The following FAM178B variants were observed in gnomAD, a reference collection of about 807,000 sequenced individuals.
The protein encoded by FAM178B is protein FAM178B.
A neutral mutation model predicts 91.7 loss-of-function variants in FAM178B; 82 were observed. The ratio of observed to expected loss-of-function variants is 0.89; its 90% confidence interval spans 0.75 to 1.07. FAM178B has a LOEUF of 1.07. Ranked by LOEUF, FAM178B falls within the 50% of genes least tolerant of loss-of-function variation. FAM178B has a pLI of 0.00. For synonymous variants in FAM178B, 368 were observed against 359.4 expected, an observed-to-expected ratio of 1.02 and a Z score of -0.27; for missense variants, 769 against 846.7, an observed-to-expected ratio of 0.91 and a Z score of 1.14.
At chr2:96,905,833 TATATATATATATATATATATATATA>T (rs1559063979) in intron 12 of FAM178B, among the ~76,000 whole-genome samples, 1 of 20,258 alleles carries the variant, frequency 4.9e-5, no homozygotes, top group Non-Finnish European at 1.2e-4. Context: ...TATATATATA[TATATATATATATATATATATATATA>T]TATTTTTTTT....
At chr2:96,886,456 C>T (rs1309482755) in intron 14 of FAM178B, among the ~76,000 whole-genome samples, 1 of 152,182 alleles carries the variant, frequency 6.6e-6, no homozygotes, top group African/African-American at 2.4e-5. Context: ...AGTCACTTGC[C>T]TAGGGCTGCT....
At chr2:96,967,480 T>C (rs543905514) in intron 5 of FAM178B, 40 bp downstream of exon 5, 13 of 1,351,046 alleles carry the variant, frequency 9.6e-6, no homozygotes, top group South Asian at 5.0e-5. Flanking sequence ...CACCTCAGTC[T>C]TTCCCCTTCG....
chr2:96,919,327 C>A (rs2081294452), intron 12 of FAM178B, among the ~76,000 whole-genome samples: 1 of 152,110 alleles, frequency 6.6e-6, no homozygotes, highest in Non-Finnish European at 1.5e-5. Flanking sequence ...TGCACCTGGC[C>A]CTGCAGGCAA....
At chr2:96,884,165 G>A (rs2080459931) in intron 14 of FAM178B, among the ~76,000 whole-genome samples, 1 of 152,146 alleles carries the variant, frequency 6.6e-6, no homozygotes, top group Non-Finnish European at 1.5e-5. Context: ...CACAGAGAGG[G>A]CCTGGGACCC....
intron 13 of FAM178B, among the ~76,000 whole-genome samples, chr2:96,902,181 C>T (rs1346035824): frequency 1.3e-5 from 2 of 150,760 alleles, no homozygotes; most frequent in African/African-American, 4.9e-5. Context: ...TCTTGGCTCA[C>T]TGCAAGCTCC....
intron 1 of FAM178B, among the ~76,000 whole-genome samples, chr2:96,979,834 G>GT (rs1559109503): frequency 6.6e-6 from 1 of 152,160 alleles, no homozygotes; most frequent in Non-Finnish European, 1.5e-5. Flanking sequence ...TCTGACTGAC[G>GT]TGAGTCGGGA....
chr2:96,901,096 G>A (rs997145516), intron 13 of FAM178B, among the ~76,000 whole-genome samples: 4 of 151,912 alleles, frequency 2.6e-5, no homozygotes, highest in Admixed American at 2.0e-4. Context: ...GTGAAGTGAC[G>A]TCCTCTGAGC....
chr2:96,986,049 A>G lies in FAM178B; in HGVS notation c.73+192T>C, dbSNP rs1355881103. Among the ~76,000 whole-genome samples, 3 of 152,314 alleles carry G rather than the reference A, an allele frequency of 2.0e-5. No homozygotes were observed. In the East Asian group the frequency reaches 5.8e-4, roughly 29 times the overall value. ...AGGCCGGCCGCGCAGTGGCCTGTGG[A>G]GAGGAGGGCCCGGCTCACGTCGGAA... is the stretch of plus-strand genomic sequence containing the variant. On this transcript the variant is annotated intron_variant, in intron 1 of 16. Coordinates refer to ENST00000490605, the MANE Select transcript of FAM178B (RefSeq NM_001122646.3).
At chr2:96,901,603 ATGCTTTACT>A (rs2080933811) in intron 13 of FAM178B, among the ~76,000 whole-genome samples, 5 of 152,134 alleles carry the variant, frequency 3.3e-5, no homozygotes, top group Non-Finnish European at 5.9e-5. Flanking sequence ...ATTTGTTTTT[ATGCTTTACT>A]ATAAAAAATA....
intron 8 of FAM178B, among the ~76,000 whole-genome samples, chr2:96,945,045 C>T: frequency 6.6e-6 from 1 of 152,192 alleles, no homozygotes; most frequent in East Asian, 1.9e-4. Context: ...CTATTAGCCT[C>T]CTGAGAACAG....
intron 1 of FAM178B, among the ~76,000 whole-genome samples, chr2:96,977,002 C>T (rs967206055): frequency 6.6e-6 from 1 of 151,976 alleles, no homozygotes; most frequent in African/African-American, 2.4e-5. Flanking sequence ...TGAGACCAGA[C>T]TGGCCAACAT....
intron 14 of FAM178B, among the ~76,000 whole-genome samples, chr2:96,881,074 C>T (rs899588194): frequency 6.6e-6 from 1 of 151,772 alleles, no homozygotes; most frequent in African/African-American, 2.4e-5. Flanking sequence ...GAGTTTGAGA[C>T]CAGCCTGGGC....
chr2:96,979,838 G>A (rs1348259775), intron 1 of FAM178B, among the ~76,000 whole-genome samples: 1 of 152,238 alleles, frequency 6.6e-6, no homozygotes, highest in Admixed American at 6.5e-5. Flanking sequence ...ACTGACGTGA[G>A]TCGGGATTGC....
intron 8 of FAM178B, among the ~76,000 whole-genome samples, chr2:96,936,457 T>C (rs1421812468): frequency 3.4e-5 from 5 of 148,396 alleles, no homozygotes; most frequent in Non-Finnish European, 4.5e-5. Flanking sequence ...CGCCTTGGCC[T>C]CCCAAAGTGC....
intron 1 of FAM178B, among the ~76,000 whole-genome samples, chr2:96,976,112 T>A (rs572874927): frequency 1.1e-3 from 166 of 151,298 alleles, no homozygotes; most frequent in African/African-American, 3.9e-3. Context: ...TTTTTTTTTT[T>A]GAGAGAGAGT....
chr2:96,920,529 G>T (rs911565905), intron 12 of FAM178B, among the ~76,000 whole-genome samples: 12 of 152,080 alleles, frequency 7.9e-5, no homozygotes, highest in African/African-American at 2.7e-4. Flanking sequence ...GAACCCAGAA[G>T]GTGGAGCTTG....
chr2:96,973,323 T>C (rs1234020184), intron 1 of FAM178B, among the ~76,000 whole-genome samples: 1 of 152,154 alleles, frequency 6.6e-6, no homozygotes, highest in Non-Finnish European at 1.5e-5. Flanking sequence ...AGTCTGTTTG[T>C]TCACAAGGTA....
At chr2:96,889,720 A>ATAAG (rs2080621988) in intron 14 of FAM178B, among the ~76,000 whole-genome samples, 1 of 136,054 alleles carries the variant, frequency 7.4e-6, no homozygotes, top group East Asian at 3.4e-4. Context: ...AAATAAATAA[A>ATAAG]TACAAAAAAA....
chr2:96,940,204 GT>G (rs1401805588), intron 8 of FAM178B, among the ~76,000 whole-genome samples: 1 of 152,204 alleles, frequency 6.6e-6, no homozygotes, highest in African/African-American at 2.4e-5. Flanking sequence ...GACCAGCCCT[GT>G]GGAATCAGGG....
Sources: gnomAD v4.1 joint callset for allele counts (sites outside exome capture counted in the v4.1 genomes callset) on GRCh38, gnomAD v4.1.1 for gene constraint, MANE v1.5 for transcripts, NCBI Gene and HGNC (gene_info 2026-07-23, HGNC 2026-07-21) for gene names.